LINGO2: variants seen among roughly 807,000 people sequenced by gnomAD.
LINGO2 encodes leucine rich repeat and Ig domain containing 2.
Under a neutral mutation model 30.6 loss-of-function variants are expected in LINGO2, and 14 were observed. The observed-to-expected ratio is 0.46, with a 90% CI of 0.30 to 0.72. The LOEUF is 0.72. Among genes scored for constraint, LINGO2 ranks in the 30% least tolerant of loss-of-function variants. LINGO2 has a pLI of 0.07. For synonymous variants in LINGO2, 317 were observed against 288.5 expected, an observed-to-expected ratio of 1.10 and a Z score of -1.00; for missense variants, 729 against 751.7, an observed-to-expected ratio of 0.97 and a Z score of 0.35.
In LINGO2 at chr9:28,523,526, T is replaced by C. The variant is rs548136076; in HGVS notation, c.-364-47501A>G. 9.2e-5 allele frequency among the ~76,000 whole-genome samples: 14 copies of C among 152,240 alleles called. No homozygotes were observed. In the South Asian group the frequency reaches 2.9e-3, roughly 32 times the overall value. On this transcript the variant is annotated intron_variant, in intron 1 of 5. Transcript: ENST00000379992. ...TAAGAAATAAAACTAACTGTAATCT[T>C]AGAGGACATAATCTTACATACAGAA...
the LINGO2 span, among the ~76,000 whole-genome samples, chr9:28,994,556 G>A: frequency 7.0e-3 from 1,053 of 150,626 alleles, 12 homozygotes; most frequent in African/African-American, 0.024. Context: ...AGCCTGCATC[G>A]CCAAGTCAAT....
intron 1 of LINGO2, among the ~76,000 whole-genome samples, chr9:28,500,612 A>G (rs1819845174): frequency 6.6e-6 from 1 of 152,206 alleles, no homozygotes; most frequent in Non-Finnish European, 1.5e-5. Context: ...GGAGATAAGA[A>G]GTAAAATAGA....
At chr9:28,484,857 T>TGTC (rs1826109308) in intron 1 of LINGO2, among the ~76,000 whole-genome samples, 11 of 152,086 alleles carry the variant, frequency 7.2e-5, no homozygotes, top group Non-Finnish European at 1.6e-4. Context: ...CTACAGGGTG[T>TGTC]TGTGAGCAAC....
intron 1 of LINGO2, among the ~76,000 whole-genome samples, chr9:28,587,043 C>T (rs113237069): frequency 3.3e-5 from 5 of 152,010 alleles, no homozygotes; most frequent in African/African-American, 9.6e-5. Context: ...AGGCTTCATA[C>T]AGCTAGAAAT....
the LINGO2 span, among the ~76,000 whole-genome samples, chr9:28,896,254 T>C: frequency 6.6e-6 from 1 of 152,142 alleles, no homozygotes; most frequent in Non-Finnish European, 1.5e-5. Flanking sequence ...ACAAAATTAG[T>C]ACAATTCAGA....
intron 2 of LINGO2, among the ~76,000 whole-genome samples, chr9:28,414,294 C>A (rs895451878): frequency 6.6e-6 from 1 of 152,034 alleles, no homozygotes; most frequent in Non-Finnish European, 1.5e-5. Context: ...TGTTCTAGCC[C>A]TTGAAGCAGG....
At chr9:28,579,356 T>C (rs1177129366) in intron 1 of LINGO2, among the ~76,000 whole-genome samples, 1 of 152,086 alleles carries the variant, frequency 6.6e-6, no homozygotes, top group Admixed American at 6.6e-5. Flanking sequence ...GAAAAGTACA[T>C]CCATTTTTTA....
At chr9:28,272,403 T>A (rs1822972916) in intron 4 of LINGO2, among the ~76,000 whole-genome samples, 1 of 151,934 alleles carries the variant, frequency 6.6e-6, no homozygotes, top group Non-Finnish European at 1.5e-5. Context: ...CTGAGCTTAT[T>A]CCTGCTTCAG....
At chr9:28,118,081 G>C (rs192401627) in intron 4 of LINGO2, among the ~76,000 whole-genome samples, 6 of 152,038 alleles carry the variant, frequency 3.9e-5, no homozygotes, top group Non-Finnish European at 7.4e-5. Flanking sequence ...GGGCCTGTTG[G>C]GGGGTGGAGT....
At chr9:28,837,649 AATATATATATACATAT>A in the LINGO2 span, among the ~76,000 whole-genome samples, 41 of 75,836 alleles carry the variant, frequency 5.4e-4, 2 homozygotes, top group East Asian at 1.7e-3. Flanking sequence ...CTCCGTCTAA[AATATATATATACATAT>A]ATATATATAT....
At chr9:28,379,047 G>C (rs1446361834) in intron 2 of LINGO2, among the ~76,000 whole-genome samples, 1 of 152,076 alleles carries the variant, frequency 6.6e-6, no homozygotes, top group Non-Finnish European at 1.5e-5. Flanking sequence ...AGCTCTCCAG[G>C]ACAGAGCTTA....
chr9:28,944,081 T>C, the LINGO2 span, among the ~76,000 whole-genome samples: 3 of 152,350 alleles, frequency 2.0e-5, no homozygotes, highest in East Asian at 3.9e-4. Flanking sequence ...TGTTTCGCTC[T>C]ATAAATTAAG....
chr9:28,876,529 CT>C, the LINGO2 span, among the ~76,000 whole-genome samples: 1 of 152,000 alleles, frequency 6.6e-6, no homozygotes, highest in Admixed American at 6.6e-5. Flanking sequence ...CTATACTTTA[CT>C]GAGAATGATG....
At chr9:28,610,402 C>G (rs1376579453) in intron 1 of LINGO2, among the ~76,000 whole-genome samples, 2 of 152,084 alleles carry the variant, frequency 1.3e-5, no homozygotes, top group African/African-American at 4.8e-5. Context: ...CTGAATGTGT[C>G]TATGAAAATA....
chr9:29,026,862 T>C, the LINGO2 span, among the ~76,000 whole-genome samples: 1 of 152,148 alleles, frequency 6.6e-6, no homozygotes, highest in Non-Finnish European at 1.5e-5. Context: ...CATTCTATAA[T>C]AAATCAACCA....
chr9:28,134,392 A>G (rs1827458120), intron 4 of LINGO2, among the ~76,000 whole-genome samples: 1 of 152,206 alleles, frequency 6.6e-6, no homozygotes, highest in Non-Finnish European at 1.5e-5. Context: ...AAAGAAACAA[A>G]CAAACATATA....
chr9:27,958,047 A>G (rs1397180723), intron 5 of LINGO2, among the ~76,000 whole-genome samples: 2 of 152,156 alleles, frequency 1.3e-5, no homozygotes, highest in Non-Finnish European at 1.5e-5. Flanking sequence ...GAGGACAATT[A>G]TTTGGTTTTT....
rs373768250 is a variant in LINGO2 at position 27,955,761 on chromosome 9, GT to G, written c.-35-5056del. Reference sequence around the variant, plus strand: ...TATAAACATCTTTGTGCATACTTATGTTTTTTCTTAAATATATACCTAGAAA... The same window carrying G: ...TATAAACATCTTTGTGCATACTTATGTTTTTCTTAAATATATACCTAGAAA... On this transcript the variant is annotated intron_variant, in intron 5 of 5. Transcript: ENST00000379992. Among the ~76,000 whole-genome samples, 64 of 151,948 alleles carry G rather than the reference GT, an allele frequency of 4.2e-4. No individual in the cohort carries two copies. In the South Asian group the frequency reaches 0.013, roughly 31 times the overall value.
chr9:28,180,919 C>G (rs1272711071), intron 4 of LINGO2, among the ~76,000 whole-genome samples: 1 of 152,110 alleles, frequency 6.6e-6, no homozygotes, highest in Non-Finnish European at 1.5e-5. Context: ...TTCACATAGT[C>G]AAATTGATAA....
Sources: gnomAD v4.1 joint callset for allele counts (sites outside exome capture counted in the v4.1 genomes callset) on GRCh38, gnomAD v4.1.1 for gene constraint, MANE v1.5 for transcripts, NCBI Gene and HGNC (gene_info 2026-07-23, HGNC 2026-07-21) for gene names.